Variants in ENOSF1 observed in about 807,000 individuals in gnomAD.
The protein encoded by ENOSF1 is enolase superfamily member 1.
A neutral mutation model predicts 68.2 loss-of-function variants in ENOSF1; 73 were observed. That is an observed-to-expected ratio of 1.07 (90% CI 0.89 to 1.30). The LOEUF (loss-of-function observed/expected upper bound fraction) is 1.30, where lower values mean the gene tolerates loss of function less well. Ranked by LOEUF, ENOSF1 falls within the 50% of genes most tolerant of loss-of-function variation. ENOSF1 has a pLI of 0.00. For synonymous variants in ENOSF1, 223 were observed against 210.4 expected (o/e 1.06, Z -0.52); for missense variants, 589 against 554.5 (o/e 1.06, Z -0.62).
intron 10 of ENOSF1, among the ~76,000 whole-genome samples, chr18:684,048 C>T (rs12960515): frequency 0.19 from 29,388 of 150,882 alleles, 3,125 homozygotes; most frequent in East Asian, 0.36. Flanking sequence ...GGCTGGAGTG[C>T]AGTGGCGCTA....
downstream of ENOSF1, among the ~76,000 whole-genome samples, chr18:667,436 TGATGGTGATGGTGATGGTGATGATGGA>T (rs1567990595): frequency 3.6e-3 from 4 of 1,116 alleles, no homozygotes; most frequent in East Asian, 0.059. Flanking sequence ...ATGGAGATGG[TGATGGTGATGGTGATGGTGATGATGGA>T]GATGGTGATG....
rs770660552 is a variant in ENOSF1, at chr18:677,459, TTTCTA to T, written c.1049-20_1049-16del. ...GCAAACAGGAACTAAAAGGAAATCGTTTCTATTTAATACCAAGAGTAGGGCAGGGA... is the reference window on the plus strand; with the variant it reads ...GCAAACAGGAACTAAAAGGAAATCGTTTTAATACCAAGAGTAGGGCAGGGA... On this transcript the variant is annotated splice_polypyrimidine_tract_variant and intron_variant, in intron 13 of 15. Coordinates refer to ENST00000647584, the MANE Select transcript of ENOSF1 (RefSeq NM_017512.7). The T allele has an allele frequency of 3.7e-6, 6 of 1,609,202 alleles. No individual in the cohort carries two copies. The Admixed American group carries it at 8.5e-5, about 23-fold the overall frequency.
At chr18:688,419 T>C (rs2076831855) in intron 9 of ENOSF1, 155 bp downstream of exon 9, 3 of 807,922 alleles carry the variant, frequency 3.7e-6, no homozygotes, top group Non-Finnish European at 3.9e-6. Context: ...AGAAAGAGCC[T>C]GGCCTAAGGG....
Position 671,508 on chromosome 18 carries a change from CTG to C in ENOSF1, c.*2795_*2796del. 1.8e-6 allele frequency: 2 copies of C among 1,137,230 alleles called. No individual in the cohort carries two copies. The highest frequency in any genetic ancestry group is 2.7e-6 in the Non-Finnish European group (2 of 746,880). 70.4% of individuals were successfully genotyped at this position (1,137,230 alleles called of 1,614,324 possible). On this transcript the variant is annotated 3_prime_UTR_variant, in exon 16 of 16. Coordinates refer to ENST00000647584, the MANE Select transcript of ENOSF1 (RefSeq NM_017512.7). ...GTACCTTCTCTTGATAAAAGGTTGA[CTG>C]TGGAACAGGCATCTGCTCAATGCTG...
At chr18:708,630 T>C (rs1003737503) in intron 1 of ENOSF1, among the ~76,000 whole-genome samples, 4 of 152,188 alleles carry the variant, frequency 2.6e-5, no homozygotes, top group Non-Finnish European at 5.9e-5. Flanking sequence ...CTGAATGTGC[T>C]TCTTGAAGAG....
intron 3 of ENOSF1, among the ~76,000 whole-genome samples, chr18:696,385 G>C (rs1048628762): frequency 6.6e-6 from 1 of 151,508 alleles, no homozygotes; most frequent in African/African-American, 2.4e-5. Flanking sequence ...CTAATTTTTT[G>C]TATTTTTAGT....
downstream of ENOSF1, chr18:669,037 T>A: frequency 6.5e-7 from 1 of 1,541,962 alleles, no homozygotes. Flanking sequence ...GTGATTAATG[T>A]ATGTACCTGT....
intron 7 of ENOSF1, 151 bp downstream of exon 7, chr18:690,917 G>A: frequency 1.7e-6 from 2 of 1,177,942 alleles, no homozygotes; most frequent in East Asian, 2.5e-5. Flanking sequence ...ATACCCAGCA[G>A]GCTTCACCAT....
rs780332234 is a variant in ENOSF1 at position 671,334 on chromosome 18, G to T, written c.*2971C>A. On this transcript the variant is annotated 3_prime_UTR_variant, in exon 16 of 16. Coordinates refer to ENST00000647584, the MANE Select transcript of ENOSF1 (RefSeq NM_017512.7). Reference sequence around the variant, plus strand: ...TAATGTTTTTAAATGATGTTTTAAAGAATTGAAACTAACATACTGTTCTGC... The same window carrying T: ...TAATGTTTTTAAATGATGTTTTAAATAATTGAAACTAACATACTGTTCTGC... 8.2e-7 allele frequency: 1 copy of T among 1,225,978 alleles called. No homozygotes were observed. The highest frequency in any genetic ancestry group is 1.7e-5 in the Admixed American group (1 of 59,334). 75.9% of individuals were successfully genotyped at this position (1,225,978 alleles called of 1,614,324 possible).
At chr18:667,364 A>ATGGT (rs2074866011), downstream of ENOSF1, among the ~76,000 whole-genome samples, 3 of 8,422 alleles carry the variant, frequency 3.6e-4, no homozygotes, top group Admixed American at 1.3e-3. Flanking sequence ...ATGGTGATGG[A>ATGGT]GATGGTGATG....
intron 2 of ENOSF1, among the ~76,000 whole-genome samples, chr18:704,926 TA>T (rs1017533477): frequency 1.4e-4 from 21 of 145,450 alleles, no homozygotes; most frequent in Non-Finnish European, 1.2e-4. Flanking sequence ...TTTTTAAAAT[TA>T]CTTTGGTGCC....
the ENOSF1 span, among the ~76,000 whole-genome samples, chr18:664,788 GT>G: frequency 1.3e-5 from 2 of 150,286 alleles, no homozygotes; most frequent in South Asian, 4.3e-4. Context: ...TGTGGTTTTT[GT>G]CTTTGGATCT....
intron 2 of ENOSF1, among the ~76,000 whole-genome samples, chr18:704,196 G>A (rs913249004): frequency 7.2e-5 from 11 of 152,014 alleles, no homozygotes; most frequent in Non-Finnish European, 1.5e-4. Flanking sequence ...CACTTTGAGA[G>A]GCCAAGGTGG....
At chr18:700,964 AG>A (rs2078285279) in intron 2 of ENOSF1, among the ~76,000 whole-genome samples, 1 of 151,346 alleles carries the variant, frequency 6.6e-6, no homozygotes, top group Admixed American at 6.6e-5. Flanking sequence ...AAGAAAAAAA[AG>A]GCCCTTGAAA....
At chr18:696,204 C>CTCTTTTT (rs774712564) in intron 3 of ENOSF1, among the ~76,000 whole-genome samples, 2 of 118,688 alleles carry the variant, frequency 1.7e-5, no homozygotes, top group African/African-American at 6.7e-5. Flanking sequence ...ACATCTCTCT[C>CTCTTTTT]TTTTTTTTTT....
At chr18:693,045 GT>G (rs2077364014) in intron 5 of ENOSF1, 1 of 1,274,204 alleles carries the variant, frequency 7.8e-7, no homozygotes, top group African/African-American at 1.5e-5. Context: ...GAGTGGGGAA[GT>G]CACATGCTCA....
rs9953447 is a variant in ENOSF1 at position 672,696 on chromosome 18, G to A, written c.*1609C>T. On this transcript the variant is annotated 3_prime_UTR_variant, in exon 16 of 16. Coordinates refer to ENST00000647584, the MANE Select transcript of ENOSF1 (RefSeq NM_017512.7). ...TCTGTGCAAGAGAACAGCTGGTTGCGCTCCAATCATGTTACATAACCTACG... is the reference window on the plus strand; with the variant it reads ...TCTGTGCAAGAGAACAGCTGGTTGCACTCCAATCATGTTACATAACCTACG... 4.3e-4 allele frequency: 282 copies of A among 648,896 alleles called. No homozygotes were observed. In the East Asian group the frequency reaches 6.9e-3, roughly 16 times the overall value. The allele number at this position is 648,896 out of a possible 1,614,324, so 40.2% of individuals were successfully genotyped here.
chr18:701,825 CAGG>C (rs2078382472), intron 2 of ENOSF1, among the ~76,000 whole-genome samples: 2 of 151,720 alleles, frequency 1.3e-5, no homozygotes, highest in East Asian at 3.9e-4. Context: ...GAGGCTGAGG[CAGG>C]AGAATTGCTT....
intron 11 of ENOSF1, among the ~76,000 whole-genome samples, chr18:679,208 C>CTTTTT (rs71174268): frequency 8.1e-6 from 1 of 123,804 alleles, no homozygotes; most frequent in African/African-American, 3.2e-5. Context: ...CCTCTCATAT[C>CTTTTT]TTTTTTTTTT....
Sources: gnomAD v4.1 joint callset for allele counts (sites outside exome capture counted in the v4.1 genomes callset) on GRCh38, gnomAD v4.1.1 for gene constraint, MANE v1.5 for transcripts, NCBI Gene and HGNC (gene_info 2026-07-23, HGNC 2026-07-21) for gene names.